Variants in RELN observed in about 807,000 individuals in gnomAD.
RELN encodes the protein reelin.
A neutral mutation model predicts 427.6 loss-of-function variants in RELN; 108 were observed. The observed-to-expected ratio is 0.25, with a 90% CI of 0.22 to 0.30. The LOEUF (loss-of-function observed/expected upper bound fraction) is 0.30, where lower values mean the gene tolerates loss of function less well. Among genes scored for constraint, RELN ranks in the 10% least tolerant of loss-of-function variants. The probability of loss-of-function intolerance (pLI) is 1.00; values close to 1 mark genes in which losing one functional copy is unlikely to be tolerated. For missense variants in RELN, 3,715 were observed against 4,302.8 expected (o/e 0.86, Z 3.82); for synonymous variants, 1,524 against 1,513.4 (o/e 1.01, Z -0.16).
In RELN at chr7:103,603,189, A is replaced by G; in HGVS notation, c.3333+115T>C. On this transcript the variant is annotated intron_variant, in intron 24 of 64. Coordinates refer to ENST00000428762, the MANE Select transcript of RELN (RefSeq NM_005045.4). The surrounding 1 kb of genome is among the most constrained non-coding windows in gnomAD (Gnocchi z 4.3). ...AATAGGAATTTGATAGAGCCCACTC[A>G]AAAGCGGGGAACGTGGGGAACAATA... The G allele has an allele frequency of 1.1e-6, 1 of 876,542 alleles. No homozygotes were observed. Among genetic ancestry groups the G allele is most frequent in the Non-Finnish European group, 1.9e-6 (1 of 517,564 alleles). The allele number at this position is 876,542 out of a possible 1,614,324, so 54.3% of individuals were successfully genotyped here.
In RELN at chr7:103,496,639, A is replaced by C; in HGVS notation, c.9080T>G (p.Ile3027Ser). Reference sequence around the variant, plus strand: ...CCCAGAGACCACAATTCCATTGCTGATCACAAAAGGCTGCCACCAGCGAAG... The same window carrying C: ...CCCAGAGACCACAATTCCATTGCTGCTCACAAAAGGCTGCCACCAGCGAAG... Reference protein sequence around the residue: ...TRLRWWQPFVISNGIVVSGVE... With the variant: ...TRLRWWQPFVSSNGIVVSGVE... Residue 3027 changes from isoleucine (I) to serine (S), a missense_variant, in exon 56 of 65, where the codon ATC becomes AGC. This residue lies in a region of RELN where 1,310 missense variants were observed against 1,643.0 expected (regional missense o/e 0.80). Coordinates refer to ENST00000428762, the MANE Select transcript of RELN (RefSeq NM_005045.4). The C allele has an allele frequency of 6.2e-7, 1 of 1,614,196 alleles. No individual in the cohort carries two copies. The highest frequency in any genetic ancestry group is 8.5e-7 in the Non-Finnish European group (1 of 1,180,020).
At chr7:103,702,814 C>T (rs770602016) in intron 8 of RELN, among the ~76,000 whole-genome samples, 2 of 152,192 alleles carry the variant, frequency 1.3e-5, no homozygotes, top group Non-Finnish European at 2.9e-5. Flanking sequence ...CCAGCCTCAC[C>T]GGTTCTCACC....
intron 2 of RELN, among the ~76,000 whole-genome samples, chr7:103,915,833 A>G (rs1164288784): frequency 6.6e-6 from 1 of 152,200 alleles, no homozygotes; most frequent in Non-Finnish European, 1.5e-5. Flanking sequence ...CTGCTGTAAC[A>G]AAACAGGTGG....
Position 103,813,410 on chromosome 7 carries a change from A to G in RELN, c.473+20127T>C, listed in dbSNP as rs140187993. On this transcript the variant is annotated intron_variant, in intron 3 of 64. Coordinates refer to ENST00000428762, the MANE Select transcript of RELN (RefSeq NM_005045.4). ...CATGAACTTTTCTCTGAAATAAGTT[A>G]GGAAAATGCTAAATAAGAGTAACTT... 1.6e-4 allele frequency among the ~76,000 whole-genome samples: 24 copies of G among 152,298 alleles called. No individual in the cohort carries two copies. The East Asian group carries it at 4.4e-3, about 28-fold the overall frequency.
At chr7:103,605,797 T>C (rs766569773) in intron 22 of RELN, among the ~76,000 whole-genome samples, 3 of 152,190 alleles carry the variant, frequency 2.0e-5, no homozygotes, top group Non-Finnish European at 1.5e-5. Context: ...ACTGTTAAAA[T>C]TCCGACTAAG....
intron 4 of RELN, among the ~76,000 whole-genome samples, chr7:103,759,112 AG>A (rs1017049210): frequency 4.6e-5 from 7 of 152,124 alleles, no homozygotes; most frequent in Admixed American, 3.3e-4. Context: ...TGAAAAAAAT[AG>A]ATTGCTTATA....
intron 12 of RELN, among the ~76,000 whole-genome samples, chr7:103,654,611 T>A (rs1207639267): frequency 6.6e-6 from 1 of 152,136 alleles, no homozygotes; most frequent in Non-Finnish European, 1.5e-5. Context: ...GGTGATGACT[T>A]CCTGCATCAA....
intron 3 of RELN, among the ~76,000 whole-genome samples, chr7:103,782,618 A>G (rs1791920122): frequency 6.6e-6 from 1 of 152,166 alleles, no homozygotes; most frequent in Non-Finnish European, 1.5e-5. Context: ...AAGGAATCAG[A>G]GGTATTTATA....
intron 6 of RELN, among the ~76,000 whole-genome samples, chr7:103,744,999 C>T (rs139235681): frequency 0.017 from 2,591 of 152,222 alleles, 31 homozygotes; most frequent in African/African-American, 0.037. Flanking sequence ...TGATGAACAT[C>T]GATGCAAAAA....
chr7:103,517,341 A>G (rs1562866798), intron 49 of RELN, among the ~76,000 whole-genome samples: 2 of 151,988 alleles, frequency 1.3e-5, no homozygotes, highest in South Asian at 2.1e-4. Context: ...TTCTTTCCTA[A>G]TTCTAAATTA....
At chr7:103,730,172 G>T (rs951615917) in intron 6 of RELN, among the ~76,000 whole-genome samples, 5 of 152,102 alleles carry the variant, frequency 3.3e-5, no homozygotes, top group African/African-American at 1.2e-4. Context: ...TTTGTCTCCA[G>T]TGACTCTAAA....
At position 103,833,526 on chromosome 7, in the gene RELN, T is replaced by C; in HGVS notation, c.473+11A>G. 1.2e-6 allele frequency: 2 copies of C among 1,613,278 alleles called. No individual in the cohort carries two copies. Among genetic ancestry groups the C allele is most frequent in the African/African-American group, 1.3e-5 (1 of 75,034 alleles). On this transcript the variant is annotated intron_variant, in intron 3 of 64. Coordinates refer to ENST00000428762, the MANE Select transcript of RELN (RefSeq NM_005045.4). ...CCTTCTGTACGTATGGCAGACACTT[T>C]GGGTACTTACATGAAATTCACACAG...
At chr7:103,567,053 G>A (rs1830769549) in intron 31 of RELN, among the ~76,000 whole-genome samples, 3 of 152,282 alleles carry the variant, frequency 2.0e-5, no homozygotes, top group Admixed American at 2.0e-4. Context: ...CTCAGATCAC[G>A]TATTTGAATT....
chr7:103,886,393 T>C (rs1794726850), intron 2 of RELN, among the ~76,000 whole-genome samples: 1 of 152,150 alleles, frequency 6.6e-6, no homozygotes, highest in Admixed American at 6.6e-5. Context: ...TCGTGGGAAG[T>C]TTGGAGAAGG....
chr7:103,628,243 A>G (rs1832371351), intron 20 of RELN: 1 of 152,174 alleles, frequency 6.6e-6, no homozygotes, highest in South Asian at 2.1e-4. Context: ...CAGGACTAAG[A>G]AAGAACATCT....
intron 1 of RELN, among the ~76,000 whole-genome samples, chr7:103,926,469 T>C (rs924051988): frequency 2.6e-5 from 4 of 152,060 alleles, no homozygotes; most frequent in Admixed American, 6.6e-5. Context: ...TTGCAACAAC[T>C]TTATGCTTGT....
At chr7:103,558,256 G>A (rs747990782) in intron 36 of RELN, among the ~76,000 whole-genome samples, 1 of 152,118 alleles carries the variant, frequency 6.6e-6, no homozygotes. Context: ...GAATAACACA[G>A]TTTCATTGTC....
chr7:103,976,585 T>G (rs1368049010), intron 1 of RELN, among the ~76,000 whole-genome samples: 1 of 152,104 alleles, frequency 6.6e-6, no homozygotes, highest in South Asian at 2.1e-4. Flanking sequence ...GGCCTTAATA[T>G]AGCTGGAGAG....
At chr7:103,562,176 C>T (rs1356107272) in intron 34 of RELN, among the ~76,000 whole-genome samples, 5 of 152,134 alleles carry the variant, frequency 3.3e-5, no homozygotes, top group Admixed American at 6.5e-5. Flanking sequence ...AAATATTTCA[C>T]TATTTTTTTC....
Sources: allele counts gnomAD v4.1 joint callset (sites outside exome capture counted in the v4.1 genomes callset), GRCh38; gene constraint gnomAD v4.1.1; regional missense constraint gnomAD v4.1.1; non-coding constraint Gnocchi (gnomAD v3.1); transcripts MANE v1.5; gene names NCBI Gene and HGNC (gene_info 2026-07-23, HGNC 2026-07-21).